Variants in PTK2 observed in about 807,000 individuals in gnomAD.
PTK2 encodes protein tyrosine kinase 2, also known as focal adhesion kinase 1.
Under a neutral mutation model 150.1 loss-of-function variants are expected in PTK2, and 45 were observed. The observed-to-expected ratio is 0.30, with a 90% CI of 0.24 to 0.38. The LOEUF (loss-of-function observed/expected upper bound fraction) is 0.38, where lower values mean the gene tolerates loss of function less well. Ranked by LOEUF, PTK2 falls within the 10% of genes least tolerant of loss-of-function variation. PTK2 has a pLI of 1.00. For synonymous variants in PTK2, 432 were observed against 449.2 expected (o/e 0.96, Z 0.48); for missense variants, 919 against 1,307.3 (o/e 0.70, Z 4.58).
chr8:140,833,143 T>C, intron 7 of PTK2: 1 of 478,122 alleles, frequency 2.1e-6, no homozygotes, highest in Non-Finnish European at 4.2e-6. Context: ...TACTAGGTAT[T>C]GCTTTTACTT....
intron 18 of PTK2, chr8:140,746,431 G>A (rs556890014): frequency 2.0e-4 from 42 of 214,002 alleles, no homozygotes; most frequent in African/African-American, 9.4e-4. Context: ...CATTAAGATT[G>A]CTTCATCCTC....
At chr8:140,847,730 G>A (rs902400469) in intron 5 of PTK2, among the ~76,000 whole-genome samples, 1 of 152,148 alleles carries the variant, frequency 6.6e-6, no homozygotes, top group Admixed American at 6.6e-5. Context: ...GTTCCTGAAA[G>A]TCTAAACTAT....
In PTK2 at chr8:140,664,665, C is replaced by A. The variant is rs114468205; in HGVS notation, c.2946+252G>T. On this transcript the variant is annotated intron_variant, in intron 31 of 31. Transcript: ENST00000522684. ...ATGAGGACCTTGCATAGTGGCTCTG[C>A]AGTGGACTAGCAGCAGGAAGACCCA... Among the ~76,000 whole-genome samples, 578 of 152,304 alleles carry A rather than the reference C, an allele frequency of 3.8e-3. 5 individuals carry two copies. Among genetic ancestry groups the A allele is most frequent in the African/African-American group, 0.013 (555 of 41,566 alleles).
intron 18 of PTK2, 116 bp downstream of exon 21, chr8:140,746,644 C>T (rs2100058953): frequency 1.5e-6 from 1 of 682,400 alleles, no homozygotes; most frequent in Non-Finnish European, 2.4e-6. Flanking sequence ...TAATGACATA[C>T]ATCCTAAATC....
At chr8:140,764,034 A>T in intron 15 of PTK2, 200 bp downstream of exon 17, 3 of 606,684 alleles carry the variant, frequency 4.9e-6, no homozygotes, top group Non-Finnish European at 8.8e-6. Flanking sequence ...ATTATTACAG[A>T]TATTTGAGTT....
intron 1 of PTK2, among the ~76,000 whole-genome samples, chr8:140,992,650 G>C (rs1280342574): frequency 1.3e-5 from 2 of 152,156 alleles, no homozygotes; most frequent in African/African-American, 4.8e-5. Context: ...ACGTGTGCGT[G>C]AACAGTGTGA....
chr8:140,772,646 T>C (rs2100076155), intron 14 of PTK2, among the ~76,000 whole-genome samples: 1 of 152,144 alleles, frequency 6.6e-6, no homozygotes, highest in African/African-American at 2.4e-5. Context: ...AAACACACAC[T>C]GAAATGTTTA....
chr8:140,914,760 G>C (rs920909606), intron 2 of PTK2, among the ~76,000 whole-genome samples: 28 of 152,066 alleles, frequency 1.8e-4, no homozygotes, highest in African/African-American at 6.8e-4. Context: ...TACCAGCCAG[G>C]AGTGGTGGCT....
Position 140,721,194 on chromosome 8 carries a change from A to G in PTK2, c.2031-3485T>C, listed in dbSNP as rs559670071. On this transcript the variant is annotated intron_variant, in intron 22 of 31. Transcript: ENST00000522684. ...ACCATATGCCTGTGCAAGTATTTCA[A>G]ATGAGTTAATATCCAAGTAGAGCTT... Among the ~76,000 whole-genome samples, 12 of 152,290 alleles carry G rather than the reference A, an allele frequency of 7.9e-5. No homozygotes were observed. In the South Asian group the frequency reaches 2.1e-3, roughly 26 times the overall value.
At chr8:140,798,919 G>A (rs1172943156) in intron 12 of PTK2, among the ~76,000 whole-genome samples, 1 of 152,180 alleles carries the variant, frequency 6.6e-6, no homozygotes, top group African/African-American at 2.4e-5. Flanking sequence ...ACCTATAGCT[G>A]CAAAGGCTTT....
chr8:140,914,549 G>A (rs2100164426), intron 2 of PTK2, among the ~76,000 whole-genome samples: 1 of 150,740 alleles, frequency 6.6e-6, no homozygotes, highest in East Asian at 1.9e-4. Context: ...TAGCACCCAA[G>A]AGTTTTTTTT....
At chr8:140,969,464 A>AATG (rs563871079) in intron 1 of PTK2, among the ~76,000 whole-genome samples, 10 of 152,194 alleles carry the variant, frequency 6.6e-5, no homozygotes, top group Non-Finnish European at 1.3e-4. Flanking sequence ...CAAGATTACC[A>AATG]ATGACCTCAA....
chr8:140,695,709 G>C (rs2100026137), intron 26 of PTK2, among the ~76,000 whole-genome samples: 2 of 152,082 alleles, frequency 1.3e-5, no homozygotes, highest in Admixed American at 1.3e-4. Context: ...GCCCTAAGGT[G>C]ATCTTTCTGA....
chr8:140,987,697 T>C (rs1198157364), intron 1 of PTK2, among the ~76,000 whole-genome samples: 1 of 152,218 alleles, frequency 6.6e-6, no homozygotes, highest in Non-Finnish European at 1.5e-5. Flanking sequence ...TCTCATCCAC[T>C]GCTGGTGGGA....
At chr8:140,748,662 C>T (rs752268577) in intron 17 of PTK2, among the ~76,000 whole-genome samples, 20 of 152,084 alleles carry the variant, frequency 1.3e-4, no homozygotes, top group Non-Finnish European at 2.6e-4. Flanking sequence ...TGAGTTTGAC[C>T]GCCTAATTGA....
At chr8:140,827,464 G>A (rs1023850652) in intron 8 of PTK2, among the ~76,000 whole-genome samples, 3 of 152,164 alleles carry the variant, frequency 2.0e-5, no homozygotes, top group African/African-American at 7.2e-5. Context: ...AAAGGCCAGG[G>A]CAATGGAAGC....
At chr8:140,998,493 CT>C (rs567376038) in intron 1 of PTK2, among the ~76,000 whole-genome samples, 285 of 148,856 alleles carry the variant, frequency 1.9e-3, no homozygotes, top group Non-Finnish European at 3.0e-3. Context: ...AGGACCTAAT[CT>C]TTTTTTTTTA....
At chr8:140,855,493 G>A (rs2100131991) in intron 5 of PTK2, among the ~76,000 whole-genome samples, 1 of 152,118 alleles carries the variant, frequency 6.6e-6, no homozygotes, top group Non-Finnish European at 1.5e-5. Context: ...TACTCAGGAG[G>A]CTGAGGCAGG....
At chr8:140,753,300 G>A (rs1449073963) in intron 16 of PTK2, among the ~76,000 whole-genome samples, 1 of 152,192 alleles carries the variant, frequency 6.6e-6, no homozygotes, top group Non-Finnish European at 1.5e-5. Flanking sequence ...AGAGAGTCAA[G>A]TTCAGGTTTT....
Sources: allele counts gnomAD v4.1 joint callset (sites outside exome capture counted in the v4.1 genomes callset), GRCh38; gene constraint gnomAD v4.1.1; transcripts MANE v1.5; gene names NCBI Gene and HGNC (gene_info 2026-07-23, HGNC 2026-07-21).